Variants in USP6NL observed in about 807,000 individuals in gnomAD.
USP6NL encodes the protein USP6 N-terminal-like protein.
A neutral mutation model predicts 61.9 loss-of-function variants in USP6NL; 26 were observed. The observed-to-expected ratio is 0.42, with a 90% CI of 0.31 to 0.58. The LOEUF is 0.58. Among genes scored for constraint, USP6NL ranks in the 20% least tolerant of loss-of-function variants. The pLI is 0.16. For missense variants in USP6NL, 1,114 were observed against 1,034.3 expected, an observed-to-expected ratio of 1.08 and a Z score of -1.06; for synonymous variants, 432 against 390.1, an observed-to-expected ratio of 1.11 and a Z score of -1.27.
intron 14 of USP6NL, among the ~76,000 whole-genome samples, chr10:11,473,046 C>G (rs1426140122): frequency 6.6e-6 from 1 of 152,020 alleles, no homozygotes; most frequent in African/African-American, 2.4e-5. Flanking sequence ...AGTGAAAACC[C>G]ACTCCAATCC....
chr10:11,593,455 G>A (rs1022951425), intron 2 of USP6NL, among the ~76,000 whole-genome samples: 4 of 151,918 alleles, frequency 2.6e-5, no homozygotes, highest in Admixed American at 6.6e-5. Context: ...TTAAATCATA[G>A]CCACAGTTTG....
chr10:11,571,076 C>T (rs535366624), intron 2 of USP6NL, among the ~76,000 whole-genome samples: 128 of 143,346 alleles, frequency 8.9e-4, no homozygotes, highest in African/African-American at 3.2e-3. Context: ...CCCTCCCTCC[C>T]CAAAATAATT....
Position 11,482,665 on chromosome 10 carries a change from A to C in USP6NL, c.926-743T>G, listed in dbSNP as rs562587015. On this transcript the variant is annotated intron_variant, in intron 13 of 14. Coordinates refer to ENST00000609104, the MANE Select transcript of USP6NL (RefSeq NM_014688.5). The surrounding 1 kb of genome is among the most constrained non-coding windows in gnomAD (Gnocchi z 4.0). The stretch of plus-strand genomic sequence containing the variant: ...GATGTGTACTATATGTAAGCATTGT[A>C]ATTTACTTAAACAGTCTTCTATTAA... Among the ~76,000 whole-genome samples, 1 of 152,316 alleles carries C rather than the reference A, an allele frequency of 6.6e-6. No homozygotes were observed. The highest frequency in any genetic ancestry group is 1.5e-5 in the Non-Finnish European group (1 of 68,018).
At chr10:11,586,537 T>G (rs1229296605) in intron 2 of USP6NL, among the ~76,000 whole-genome samples, 1 of 152,114 alleles carries the variant, frequency 6.6e-6, no homozygotes, top group Non-Finnish European at 1.5e-5. Context: ...AACATAAAAT[T>G]GCATATACAC....
At chr10:11,464,348 G>C (rs541387183) in intron 14 of USP6NL, among the ~76,000 whole-genome samples, 1 of 152,336 alleles carries the variant, frequency 6.6e-6, no homozygotes, top group African/African-American at 2.4e-5. Flanking sequence ...GACACTAATG[G>C]CTGGTACTCA....
Position 11,536,779 on chromosome 10 carries a change from C to A in USP6NL, c.5-9212G>T, listed in dbSNP as rs373146110. ...ATAACTACATTAATTCCACATTAAACAAATGCCTTTTCAAAAACTGCACAA... is the reference window on the plus strand; with the variant it reads ...ATAACTACATTAATTCCACATTAAAAAAATGCCTTTTCAAAAACTGCACAA... On this transcript the variant is annotated intron_variant, in intron 2 of 14. Transcript: ENST00000609104. 1.2e-4 allele frequency among the ~76,000 whole-genome samples: 19 copies of A among 152,352 alleles called. 1 individual carries two copies. The highest frequency in any genetic ancestry group is 4.6e-4 in the African/African-American group (19 of 41,592).
intron 1 of USP6NL, among the ~76,000 whole-genome samples, chr10:11,605,138 G>T (rs1838664081): frequency 6.6e-6 from 1 of 152,160 alleles, no homozygotes; most frequent in African/African-American, 2.4e-5. Flanking sequence ...AGAGAAGACA[G>T]AAATCTGAAA....
chr10:11,531,451 T>C (rs894703833), intron 2 of USP6NL, among the ~76,000 whole-genome samples: 10 of 151,798 alleles, frequency 6.6e-5, no homozygotes, highest in African/African-American at 2.4e-4. Context: ...GCCTCCGGAG[T>C]AGCTGGGACT....
At position 11,462,854 on chromosome 10, in the gene USP6NL, C is replaced by A. The variant is rs1287102052; in HGVS notation, c.2074G>T (p.Val692Leu). The change falls in exon 15 of 15, where the codon GTA becomes TTA. Residue 692 changes from valine to leucine, a missense_variant. Physicochemically the swap from Val to Leu is conservative, Grantham distance 32. Coordinates refer to ENST00000609104, the MANE Select transcript of USP6NL (RefSeq NM_014688.5). Reference sequence around the variant, plus strand: ...ACTTCTATTCGACTAGACGGCAGTACAAGGGGGCTTGGGCGGCTGTAAGAT... The same window carrying A: ...ACTTCTATTCGACTAGACGGCAGTAAAAGGGGGCTTGGGCGGCTGTAAGAT... Reference protein sequence around the residue: ...EKSYSRPSPLVLPSSRIEVLP... With the variant: ...EKSYSRPSPLLLPSSRIEVLP... The A allele has an allele frequency of 6.2e-7, 1 of 1,613,936 alleles. No individual in the cohort carries two copies. The highest frequency in any genetic ancestry group is 1.1e-5 in the South Asian group (1 of 91,076).
intron 5 of USP6NL, among the ~76,000 whole-genome samples, chr10:11,512,780 C>T (rs920397792): frequency 6.6e-5 from 10 of 152,206 alleles, no homozygotes; most frequent in African/African-American, 1.9e-4. Flanking sequence ...AAATGTCCAA[C>T]GCCTGGAACC....
Position 11,598,325 on chromosome 10 carries a change from T to C in USP6NL, c.-83-608A>G, listed in dbSNP as rs1296399332. On this transcript the variant is annotated intron_variant, in intron 1 of 14. Transcript: ENST00000609104. This position sits in a 1 kb window ranked among gnomAD's most constrained non-coding sequence, Gnocchi z 4.7. ...ATATTTCCTTTCAAGCCATTTTTTT[T>C]CTAAGTATTTTAAAAATATACTTGA... Among the ~76,000 whole-genome samples, 1 of 152,194 alleles carries C rather than the reference T, an allele frequency of 6.6e-6. No individual in the cohort carries two copies. Among genetic ancestry groups the C allele is most frequent in the Non-Finnish European group, 1.5e-5 (1 of 68,028 alleles).
chr10:11,571,895 T>G (rs1837379167), intron 2 of USP6NL, among the ~76,000 whole-genome samples: 1 of 151,016 alleles, frequency 6.6e-6, no homozygotes, highest in South Asian at 2.1e-4. Flanking sequence ...CTGAAAAATT[T>G]TAAACAAAAG....
chr10:11,483,265 G>A (rs1833281218), intron 13 of USP6NL, among the ~76,000 whole-genome samples: 1 of 151,902 alleles, frequency 6.6e-6, no homozygotes, highest in African/African-American at 2.4e-5. Context: ...ATGTAAAGCA[G>A]TTGCTATGCT....
chr10:11,502,931 T>C (rs1048272924), intron 6 of USP6NL, among the ~76,000 whole-genome samples: 1 of 152,200 alleles, frequency 6.6e-6, no homozygotes, highest in Non-Finnish European at 1.5e-5. Flanking sequence ...AAAGGCTTCA[T>C]GTTGACCATA....
In USP6NL at chr10:11,551,704, T is replaced by C. The variant is rs185260432; in HGVS notation, c.5-24137A>G. On this transcript the variant is annotated intron_variant, in intron 2 of 14. Coordinates refer to ENST00000609104, the MANE Select transcript of USP6NL (RefSeq NM_014688.5). ...ACTCTAAGTCCTGTTCACTTAACTATGTTTAACGTCTATATAGTGTAGCAA... is the reference window on the plus strand; with the variant it reads ...ACTCTAAGTCCTGTTCACTTAACTACGTTTAACGTCTATATAGTGTAGCAA... Among the ~76,000 whole-genome samples the C allele has an allele frequency of 5.9e-5, 9 of 152,352 alleles. No homozygotes were observed. In the East Asian group the frequency reaches 9.6e-4, roughly 16 times the overall value.
rs558280686 is a variant in USP6NL at position 11,562,699 on chromosome 10, A to G, written c.4+34932T>C. The G allele has an allele frequency of 6.2e-5, 61 of 985,438 alleles. 1 individual carries two copies. In the South Asian group the frequency reaches 2.4e-3, roughly 39 times the overall value. 61.0% of individuals were successfully genotyped at this position (985,438 alleles called of 1,614,324 possible). On this transcript the variant is annotated intron_variant, in intron 2 of 14. Coordinates refer to ENST00000609104, the MANE Select transcript of USP6NL (RefSeq NM_014688.5). The surrounding 1 kb of genome is among the most constrained non-coding windows in gnomAD (Gnocchi z 4.8). ...CCACTTGTATTTCTGTAACTTGTCT[A>G]TTTTATCTGCCAAATTTTCACTTGT...
intron 4 of USP6NL, among the ~76,000 whole-genome samples, chr10:11,522,935 C>G (rs1009519984): frequency 2.6e-5 from 4 of 152,236 alleles, no homozygotes; most frequent in African/African-American, 9.6e-5. Flanking sequence ...ACTGTCAATA[C>G]AACATCGGCA....
At chr10:11,480,568 C>T (rs1033264523) in intron 14 of USP6NL, among the ~76,000 whole-genome samples, 2 of 152,252 alleles carry the variant, frequency 1.3e-5, no homozygotes, top group Non-Finnish European at 2.9e-5. Context: ...GCCCACACCC[C>T]ATTACTGCTG....
At chr10:11,576,679 G>A (rs555156192) in intron 2 of USP6NL, among the ~76,000 whole-genome samples, 8 of 152,286 alleles carry the variant, frequency 5.3e-5, no homozygotes, top group South Asian at 2.1e-4. Context: ...AAGCTATCCA[G>A]CTTATGATAT....
Sources: allele counts gnomAD v4.1 joint callset (sites outside exome capture counted in the v4.1 genomes callset), GRCh38; gene constraint gnomAD v4.1.1; non-coding constraint Gnocchi (gnomAD v3.1); transcripts MANE v1.5; gene names NCBI Gene and HGNC (gene_info 2026-07-23, HGNC 2026-07-21).